Variants in ME1 observed in about 807,000 individuals in gnomAD.
ME1 encodes the protein NADP-dependent malic enzyme.
ME1 carries 74 observed loss-of-function variants against 66.4 expected under a neutral mutation model. The ratio of observed to expected loss-of-function variants is 1.11; its 90% CI spans 0.92 to 1.35. The LOEUF is 1.35. Among genes scored for constraint, ME1 ranks in the 40% most tolerant of loss-of-function variants. ME1 has a pLI of 0.00. For synonymous variants in ME1, 251 were observed against 235.6 expected, an observed-to-expected ratio of 1.07 and a Z score of -0.60; for missense variants, 750 against 694.1, an observed-to-expected ratio of 1.08 and a Z score of -0.90.
chr6:83,379,472 G>A (rs17255340), intron 3 of ME1, among the ~76,000 whole-genome samples: 30,009 of 151,822 alleles, frequency 0.2, 3,352 homozygotes, highest in Middle Eastern at 0.38. Flanking sequence ...TATACTAGTC[G>A]TGAGACAGAA....
intron 1 of ME1, among the ~76,000 whole-genome samples, chr6:83,410,179 C>T (rs972008636): frequency 2.6e-5 from 4 of 151,940 alleles, no homozygotes; most frequent in African/African-American, 4.8e-5. Flanking sequence ...ACAACAGTGC[C>T]TGACATAAAT....
intron 2 of ME1, among the ~76,000 whole-genome samples, chr6:83,403,090 T>G (rs1769867041): frequency 6.6e-6 from 1 of 152,214 alleles, no homozygotes; most frequent in East Asian, 1.9e-4. Flanking sequence ...AGTGTTTAAG[T>G]TAAGGAATAT....
chr6:83,290,594 A>G (rs1288966236), intron 6 of ME1, among the ~76,000 whole-genome samples: 1 of 152,138 alleles, frequency 6.6e-6, no homozygotes, highest in Non-Finnish European at 1.5e-5. Flanking sequence ...AGAAGAATGT[A>G]TATTCTGTTG....
At chr6:83,334,376 A>G (rs1489854890) in intron 5 of ME1, among the ~76,000 whole-genome samples, 24 of 87,240 alleles carry the variant, frequency 2.8e-4, no homozygotes, top group African/African-American at 6.0e-4. Context: ...CAAGGCGGCA[A>G]CGAGGCTGGG....
intron 11 of ME1, among the ~76,000 whole-genome samples, chr6:83,224,852 T>A (rs564121907): frequency 5.9e-5 from 9 of 152,088 alleles, no homozygotes; most frequent in Non-Finnish European, 1.3e-4. Context: ...TTTTGCCTAG[T>A]ATTAATATTT....
At chr6:83,318,338 A>G (rs1169750718) in intron 5 of ME1, among the ~76,000 whole-genome samples, 1 of 125,336 alleles carries the variant, frequency 8.0e-6, no homozygotes, top group African/African-American at 2.9e-5. Context: ...TGCACAGCAA[A>G]AGAAACTACC....
At chr6:83,395,545 G>A (rs1283041458) in intron 3 of ME1, among the ~76,000 whole-genome samples, 1 of 149,080 alleles carries the variant, frequency 6.7e-6, no homozygotes, top group African/African-American at 2.5e-5. Context: ...GCGTGATCTC[G>A]GCTCACTGCA....
intron 6 of ME1, among the ~76,000 whole-genome samples, chr6:83,275,767 T>A: frequency 2.4e-5 from 1 of 41,084 alleles, no homozygotes; most frequent in Non-Finnish European, 4.3e-5. Context: ...GCCCGGCCTT[T>A]TTTTTTTTTT....
rs1318292231 is a variant in ME1, at chr6:83,216,522, A to G, written c.1524T>C (p.Asp508=). 1.2e-6 allele frequency: 2 copies of G among 1,609,956 alleles called. No homozygotes were observed. Among genetic ancestry groups the G allele is most frequent in the Non-Finnish European group, 1.7e-6 (2 of 1,178,584 alleles). Residue 508 remains aspartate (D), a synonymous_variant, in exon 13 of 14, where the codon GAT becomes GAC. Coordinates refer to ENST00000369705, the MANE Select transcript of ME1 (RefSeq NM_002395.6). Reference sequence around the variant, plus strand: ...CCTTTTCTGCAATTTTCAGAGAAACATCTCTAATGGTATTCAAAGGAGGAT... The same window carrying G: ...CCTTTTCTGCAATTTTCAGAGAAACGTCTCTAATGGTATTCAAAGGAGGAT... ...RLYPPLNTIR[D]VSLKIAEKIV...
chr6:83,303,693 A>AT (rs34241445), intron 6 of ME1, among the ~76,000 whole-genome samples: 88 of 151,096 alleles, frequency 5.8e-4, no homozygotes, highest in African/African-American at 1.4e-3. Context: ...ACAAAATACG[A>AT]TTTTTTTTTT....
At chr6:83,382,485 T>C (rs1044253552) in intron 3 of ME1, among the ~76,000 whole-genome samples, 3 of 152,104 alleles carry the variant, frequency 2.0e-5, no homozygotes, top group African/African-American at 4.8e-5. Context: ...AAATGTTAAA[T>C]TACTATAATT....
Position 83,210,777 on chromosome 6 carries a change from T to G in ME1, c.*1147A>C, listed in dbSNP as rs1473352654. 6.6e-6 allele frequency: 1 copy of G among 152,202 alleles called. No individual in the cohort carries two copies. Among genetic ancestry groups the G allele is most frequent in the Admixed American group, 6.5e-5 (1 of 15,268 alleles). The allele number at this position is 152,202 out of a possible 1,614,324, so 9.4% of individuals were successfully genotyped here. On this transcript the variant is annotated 3_prime_UTR_variant, in exon 14 of 14. Transcript: ENST00000369705. ...CACCTTAGCTTTATAATTTAAAATT[T>G]TTTCCATTACTTCAAACATTAGTTT... is the stretch of plus-strand genomic sequence containing the variant.
chr6:83,373,219 A>G (rs1769225825), intron 3 of ME1, among the ~76,000 whole-genome samples: 1 of 150,024 alleles, frequency 6.7e-6, no homozygotes, highest in East Asian at 2.0e-4. Context: ...CACCAAACCA[A>G]GCATTTTTAG....
At chr6:83,413,793 C>G (rs1214210300) in intron 1 of ME1, among the ~76,000 whole-genome samples, 3 of 152,040 alleles carry the variant, frequency 2.0e-5, no homozygotes, top group Non-Finnish European at 4.4e-5. Flanking sequence ...TTTTTAAATT[C>G]TAATTGATAA....
chr6:83,402,708 C>A (rs1394058721), intron 2 of ME1, among the ~76,000 whole-genome samples: 2 of 152,142 alleles, frequency 1.3e-5, no homozygotes, highest in African/African-American at 4.8e-5. Context: ...AAACAACAAT[C>A]CAATTCAAGC....
At position 83,315,380 on chromosome 6, in the gene ME1, G is replaced by A. The variant is rs141363376; in HGVS notation, c.634C>T (p.Arg212Trp). The change falls in exon 6 of 14, where the codon CGG becomes TGG. Residue 212 changes from arginine to tryptophan, a missense_variant. Physicochemically the swap from Arg to Trp is moderately radical, Grantham distance 101 (BLOSUM62 -3). Coordinates refer to ENST00000369705, the MANE Select transcript of ME1 (RefSeq NM_002395.6). ...TCAGAACCTCTTACTCTTCTCTGCCGTAGTCCAATGTAGAGTGGATCTTTA... is the reference window on the plus strand; with the variant it reads ...TCAGAACCTCTTACTCTTCTCTGCCATAGTCCAATGTAGAGTGGATCTTTA... ...LLKDPLYIGL[R>W]QRRVRGSEYD... 7.1e-4 allele frequency: 1,146 copies of A among 1,609,020 alleles called. 2 individuals are homozygous for A. Among genetic ancestry groups the A allele is most frequent in the Non-Finnish European group, 8.5e-4 (996 of 1,177,324 alleles).
chr6:83,289,979 T>A (rs567855047), intron 6 of ME1, among the ~76,000 whole-genome samples: 1 of 152,218 alleles, frequency 6.6e-6, no homozygotes, highest in Non-Finnish European at 1.5e-5. Context: ...GGTGGTGATA[T>A]CCCCTTTATC....
Position 83,411,933 on chromosome 6 carries a change from G to A in ME1, c.79-4032C>T, listed in dbSNP as rs117961798. 5.2e-3 allele frequency among the ~76,000 whole-genome samples: 795 copies of A among 152,234 alleles called. 19 individuals carry two copies. In the East Asian group the frequency reaches 0.071, roughly 14 times the overall value. On this transcript the variant is annotated intron_variant, in intron 1 of 13. Transcript: ENST00000369705. ...ATGGTACGTTGTTTCACTGCTAAGG[G>A]CAGCAAACAGGGCAACTATTCTTCT...
intron 1 of ME1, among the ~76,000 whole-genome samples, chr6:83,428,834 T>C (rs1479357464): frequency 6.6e-6 from 1 of 152,218 alleles, no homozygotes; most frequent in Non-Finnish European, 1.5e-5. Context: ...TATTACAAAT[T>C]TGAAAATGTG....
Sources: gnomAD v4.1 joint callset for allele counts (sites outside exome capture counted in the v4.1 genomes callset) on GRCh38, gnomAD v4.1.1 for gene constraint, MANE v1.5 for transcripts, NCBI Gene and HGNC (gene_info 2026-07-23, HGNC 2026-07-21) for gene names.